The following SND1 variants were observed in gnomAD, a reference collection of about 807,000 sequenced individuals.
The protein encoded by SND1 is staphylococcal nuclease domain-containing protein 1.
Under a neutral mutation model 121.7 loss-of-function variants are expected in SND1, and 38 were observed. That is an observed-to-expected ratio of 0.31 (90% confidence interval 0.24 to 0.41). SND1 has a LOEUF of 0.41. SND1 is among the 10% of genes least tolerant of loss of function. The pLI, the probability that SND1 is intolerant of heterozygous loss-of-function variation, is 1.00. For synonymous variants in SND1, 401 were observed against 447.4 expected (o/e 0.90, Z 1.31); for missense variants, 868 against 1,184.6 (o/e 0.73, Z 3.92).
At chr7:127,909,548 C>G (rs1450286436) in intron 14 of SND1, among the ~76,000 whole-genome samples, 3 of 151,886 alleles carry the variant, frequency 2.0e-5, no homozygotes, top group African/African-American at 7.3e-5. Context: ...GCCTTTCACT[C>G]CTGGGCTCAA....
chr7:127,844,507 C>T, intron 12 of SND1, 83 bp downstream of exon 12: 1 of 1,131,330 alleles, frequency 8.8e-7, no homozygotes, highest in South Asian at 1.5e-5. Flanking sequence ...TCCTTCCTTT[C>T]ACTCTGCTTT....
chr7:127,925,164 G>A (rs1187144072), intron 14 of SND1, among the ~76,000 whole-genome samples: 1 of 152,206 alleles, frequency 6.6e-6, no homozygotes, highest in Non-Finnish European at 1.5e-5. Context: ...TGTAGCTAAT[G>A]CAATCTTAAA....
intron 16 of SND1, among the ~76,000 whole-genome samples, chr7:128,003,785 T>C (rs1802893395): frequency 6.6e-6 from 1 of 152,212 alleles, no homozygotes; most frequent in South Asian, 2.1e-4. Context: ...TGAAGATGCC[T>C]TGTGGGAGGG....
chr7:127,732,378 A>T (rs1408720371), intron 10 of SND1, among the ~76,000 whole-genome samples: 3 of 152,204 alleles, frequency 2.0e-5, no homozygotes, highest in Admixed American at 2.0e-4. Context: ...GTCATTTCTG[A>T]CCAACACAAT....
chr7:128,068,941 G>A, intron 16 of SND1, among the ~76,000 whole-genome samples: 1 of 152,252 alleles, frequency 6.6e-6, no homozygotes, highest in East Asian at 1.9e-4. Context: ...CTGTGAGGCA[G>A]CAGGGCCCAC....
rs1222906657 is a variant in SND1, at chr7:128,085,008, TG to T, written c.2234+165del. 6.6e-6 allele frequency among the ~76,000 whole-genome samples: 1 copy of T among 152,198 alleles called. No homozygotes were observed. Among genetic ancestry groups the T allele is most frequent in the African/African-American group, 2.4e-5 (1 of 41,466 alleles). The stretch of plus-strand genomic sequence containing the variant: ...CCCTCTTCATTGCCCACAGCCCATC[TG>T]GGGCCTTGCTCTGGCCTGTGCACCC... On this transcript the variant is annotated intron_variant, in intron 19 of 23. Coordinates refer to ENST00000354725, the MANE Select transcript of SND1 (RefSeq NM_014390.4). This position sits in a 1 kb window ranked among gnomAD's most constrained non-coding sequence, Gnocchi z 4.4.
At chr7:127,833,566 G>A (rs1264835584) in intron 11 of SND1, among the ~76,000 whole-genome samples, 1 of 152,080 alleles carries the variant, frequency 6.6e-6, no homozygotes, top group Admixed American at 6.5e-5. Flanking sequence ...CACCCAGCCT[G>A]AACTGTCTTA....
At chr7:127,894,668 C>T (rs1216963553) in intron 13 of SND1, among the ~76,000 whole-genome samples, 2 of 152,094 alleles carry the variant, frequency 1.3e-5, no homozygotes, top group Non-Finnish European at 2.9e-5. Context: ...AACTTTAAAA[C>T]TGATATATCC....
chr7:128,027,194 A>C (rs148610561), intron 16 of SND1: 1 of 144,212 alleles, frequency 6.9e-6, no homozygotes, highest in Non-Finnish European at 1.5e-5. Flanking sequence ...TGAACCCCTT[A>C]TTTCCTTTTA....
chr7:127,706,660 C>T (rs1437157267), intron 8 of SND1, among the ~76,000 whole-genome samples: 1 of 151,982 alleles, frequency 6.6e-6, no homozygotes, highest in African/African-American at 2.4e-5. Context: ...GGGGAGTGCT[C>T]ATCATTAAAA....
Position 128,015,734 on chromosome 7 carries a change from C to T in SND1, c.1779+24678C>T, listed in dbSNP as rs1164690534. 6.6e-6 allele frequency among the ~76,000 whole-genome samples: 1 copy of T among 152,112 alleles called. No homozygotes were observed. Among genetic ancestry groups the T allele is most frequent in the African/African-American group, 2.4e-5 (1 of 41,432 alleles). ...AGATATGGCTGCAGCAGCCCCAGGA[C>T]ACCACTCTGCCTTTCCCCATTGCTG... On this transcript the variant is annotated intron_variant, in intron 16 of 23. Transcript: ENST00000354725. The surrounding 1 kb of genome is among the most constrained non-coding windows in gnomAD (Gnocchi z 4.5).
At chr7:127,687,037 T>TTAG (rs1427876347) in intron 2 of SND1, 3 of 311,500 alleles carry the variant, frequency 9.6e-6, no homozygotes, top group Non-Finnish European at 1.8e-5. Flanking sequence ...TTGGAATAGT[T>TTAG]TAGGAACATT....
chr7:127,781,146 A>G (rs1187747829), intron 10 of SND1, among the ~76,000 whole-genome samples: 1 of 152,232 alleles, frequency 6.6e-6, no homozygotes, highest in Admixed American at 6.5e-5. Context: ...CTTCAGGAGA[A>G]GGTAGGAACA....
intron 10 of SND1, among the ~76,000 whole-genome samples, chr7:127,728,663 G>A (rs1796622134): frequency 6.6e-6 from 1 of 152,220 alleles, no homozygotes; most frequent in Non-Finnish European, 1.5e-5. Flanking sequence ...AGGAATGGCA[G>A]GGTCTTCCCA....
At chr7:127,729,470 A>C (rs1200669155) in intron 10 of SND1, among the ~76,000 whole-genome samples, 1 of 115,668 alleles carries the variant, frequency 8.6e-6, no homozygotes, top group Non-Finnish European at 1.7e-5. Context: ...TTTACATAAC[A>C]TTTATATTCA....
intron 11 of SND1, among the ~76,000 whole-genome samples, chr7:127,814,136 G>A (rs1399516353): frequency 6.6e-6 from 1 of 152,090 alleles, no homozygotes; most frequent in African/African-American, 2.4e-5. Flanking sequence ...TTTATAACAT[G>A]ATTTGTGGTC....
chr7:127,818,672 A>G (rs1233963382), intron 11 of SND1, among the ~76,000 whole-genome samples: 4 of 152,168 alleles, frequency 2.6e-5, no homozygotes, highest in African/African-American at 9.7e-5. Flanking sequence ...GTTGCTGCTG[A>G]GCCCAGCTCC....
chr7:127,892,711 T>A (rs1800031894), intron 13 of SND1, among the ~76,000 whole-genome samples: 1 of 152,152 alleles, frequency 6.6e-6, no homozygotes, highest in South Asian at 2.1e-4. Context: ...TCAGGCCTTC[T>A]TTATCTCATA....
chr7:127,662,078 T>C (rs1795322759), intron 1 of SND1, among the ~76,000 whole-genome samples: 1 of 151,980 alleles, frequency 6.6e-6, no homozygotes, highest in Non-Finnish European at 1.5e-5. Context: ...ATCATGCCAC[T>C]GCACTGCAGC....
Sources: allele counts gnomAD v4.1 joint callset (sites outside exome capture counted in the v4.1 genomes callset), GRCh38; gene constraint gnomAD v4.1.1; non-coding constraint Gnocchi (gnomAD v3.1); transcripts MANE v1.5; gene names NCBI Gene and HGNC (gene_info 2026-07-23, HGNC 2026-07-21).